Variants in ERBB4 observed in about 807,000 individuals in gnomAD.
The protein encoded by ERBB4 is receptor tyrosine-protein kinase erbB-4.
ERBB4 carries 42 observed loss-of-function variants against 158.0 expected under a neutral mutation model. The observed-to-expected ratio is 0.27, with a 90% CI of 0.21 to 0.34. ERBB4 has a LOEUF of 0.34. ERBB4 is among the 10% of genes least tolerant of loss of function. The probability of loss-of-function intolerance (pLI) is 1.00; values close to 1 mark genes in which losing one functional copy is unlikely to be tolerated. For synonymous variants in ERBB4, 583 were observed against 558.7 expected (o/e 1.04, Z -0.61); for missense variants, 1,333 against 1,624.1 (o/e 0.82, Z 3.08).
chr2:212,538,040 C>A (rs1445782888), intron 1 of ERBB4, among the ~76,000 whole-genome samples: 1 of 152,156 alleles, frequency 6.6e-6, no homozygotes, highest in Non-Finnish European at 1.5e-5. Flanking sequence ...GCCCAGCCAG[C>A]ACCGCCCCAG....
chr2:212,243,758 G>A (rs1228164721), intron 1 of ERBB4, among the ~76,000 whole-genome samples: 1 of 152,042 alleles, frequency 6.6e-6, no homozygotes, highest in East Asian at 1.9e-4. Context: ...GATATCAAAT[G>A]ATGCCACCAT....
At chr2:212,345,402 C>G (rs2088948775) in intron 1 of ERBB4, among the ~76,000 whole-genome samples, 1 of 152,020 alleles carries the variant, frequency 6.6e-6, no homozygotes, top group Non-Finnish European at 1.5e-5. Flanking sequence ...TGTGCTCCCA[C>G]AGGAGACATT....
At chr2:211,421,384 G>A (rs1262159965) in intron 24 of ERBB4, among the ~76,000 whole-genome samples, 1 of 151,766 alleles carries the variant, frequency 6.6e-6, no homozygotes, top group Admixed American at 6.6e-5. Context: ...TTTGTTTAGA[G>A]TTTAGGTGAA....
At chr2:212,411,963 T>G (rs948990907) in intron 1 of ERBB4, among the ~76,000 whole-genome samples, 3 of 152,120 alleles carry the variant, frequency 2.0e-5, no homozygotes, top group African/African-American at 7.2e-5. Flanking sequence ...GACTTCTTCT[T>G]CTTCTTAGAT....
At chr2:211,567,706 A>C (rs991909130) in intron 19 of ERBB4, among the ~76,000 whole-genome samples, 4 of 152,130 alleles carry the variant, frequency 2.6e-5, no homozygotes, top group Admixed American at 1.3e-4. Flanking sequence ...AGAGTATTTG[A>C]AACCAAATTG....
At chr2:211,735,434 C>T (rs991644949) in intron 5 of ERBB4, among the ~76,000 whole-genome samples, 1 of 151,958 alleles carries the variant, frequency 6.6e-6, no homozygotes, top group Non-Finnish European at 1.5e-5. Flanking sequence ...ATAGAAGGTG[C>T]CTAAATGTAA....
chr2:212,396,318 C>G (rs962998064), intron 1 of ERBB4, among the ~76,000 whole-genome samples: 1 of 152,110 alleles, frequency 6.6e-6, no homozygotes, highest in African/African-American at 2.4e-5. Flanking sequence ...ACTTAAGCTT[C>G]TCAAAGCTTT....
chr2:211,779,039 G>A (rs953236131), intron 4 of ERBB4: 1 of 152,106 alleles, frequency 6.6e-6, no homozygotes, highest in Non-Finnish European at 1.5e-5. Context: ...GAATCGTTTG[G>A]ATACATGGGC....
At chr2:212,209,096 C>T (rs931453805) in intron 1 of ERBB4, among the ~76,000 whole-genome samples, 1 of 152,106 alleles carries the variant, frequency 6.6e-6, no homozygotes, top group Non-Finnish European at 1.5e-5. Context: ...ATATTAGAGA[C>T]TTTCTGACCT....
At chr2:211,673,080 T>TCA (rs2071904528) in intron 14 of ERBB4, 84 bp downstream of exon 14, 2 of 1,074,318 alleles carry the variant, frequency 1.9e-6, no homozygotes, top group Non-Finnish European at 2.9e-6. Flanking sequence ...AGCTATTGAA[T>TCA]GGATGAATAA....
chr2:212,251,291 T>C (rs1283526453), intron 1 of ERBB4, among the ~76,000 whole-genome samples: 1 of 152,010 alleles, frequency 6.6e-6, no homozygotes, highest in Admixed American at 6.6e-5. Context: ...GCATCCAGCA[T>C]GTATACATTC....
At chr2:211,898,930 C>T (rs2079164538) in intron 3 of ERBB4, among the ~76,000 whole-genome samples, 1 of 152,124 alleles carries the variant, frequency 6.6e-6, no homozygotes, top group African/African-American at 2.4e-5. Flanking sequence ...AATCTTCACA[C>T]TCAATCGTCC....
chr2:211,795,588 A>C (rs1335187222), intron 3 of ERBB4, among the ~76,000 whole-genome samples: 1 of 151,818 alleles, frequency 6.6e-6, no homozygotes, highest in African/African-American at 2.4e-5. Flanking sequence ...CACAATCATC[A>C]GGGAGCCCCA....
At chr2:211,550,373 GA>G (rs902382477) in intron 20 of ERBB4, among the ~76,000 whole-genome samples, 78 of 149,016 alleles carry the variant, frequency 5.2e-4, no homozygotes, top group African/African-American at 1.4e-3. Flanking sequence ...TTCTAATTTA[GA>G]AAAAAAAATG....
chr2:211,544,462 T>A (rs578042571), intron 20 of ERBB4, among the ~76,000 whole-genome samples: 35 of 152,104 alleles, frequency 2.3e-4, no homozygotes, highest in Admixed American at 6.6e-4. Flanking sequence ...ACGTAGCCTG[T>A]GGAAACGCTT....
At chr2:211,652,517 A>G (rs1294430436) in intron 16 of ERBB4, among the ~76,000 whole-genome samples, 2 of 152,200 alleles carry the variant, frequency 1.3e-5, no homozygotes, top group African/African-American at 4.8e-5. Context: ...AAATGTGCCA[A>G]TTGTGAAAGT....
chr2:211,740,163 G>T (rs1176032253), intron 5 of ERBB4, among the ~76,000 whole-genome samples: 1 of 152,078 alleles, frequency 6.6e-6, no homozygotes. Context: ...AAACTTGTAG[G>T]TATTTCCGTG....
intron 14 of ERBB4, among the ~76,000 whole-genome samples, chr2:211,670,241 A>T (rs751549458): frequency 8.5e-5 from 13 of 152,174 alleles, no homozygotes; most frequent in Non-Finnish European, 1.8e-4. Flanking sequence ...ACCTAATATG[A>T]ATCATTAAGG....
rs1271246425 is a variant in ERBB4, at chr2:212,424,815, T to C, written c.82+113634A>G. Among the ~76,000 whole-genome samples the C allele has an allele frequency of 1.3e-5, 2 of 152,074 alleles. 1 individual carries two copies. Among genetic ancestry groups the C allele is most frequent in the Non-Finnish European group, 2.9e-5 (2 of 67,950 alleles). The stretch of plus-strand genomic sequence containing the variant: ...AATATACAAATCCACAAATACTTAG[T>C]TTATGTCTATAAACAAAGAAAAAGC... On this transcript the variant is annotated intron_variant, in intron 1 of 27. Coordinates refer to ENST00000342788, the MANE Select transcript of ERBB4 (RefSeq NM_005235.3).
Sources: gnomAD v4.1 joint callset for allele counts (sites outside exome capture counted in the v4.1 genomes callset) on GRCh38, gnomAD v4.1.1 for gene constraint, MANE v1.5 for transcripts, NCBI Gene and HGNC (gene_info 2026-07-23, HGNC 2026-07-21) for gene names.